Variants in FCRLB observed in about 807,000 individuals in gnomAD.
The protein encoded by FCRLB is Fc receptor like B, also known as Fc receptor-like B.
In FCRLB, 34 loss-of-function variants were observed where a neutral mutation model predicts 33.6. The observed-to-expected ratio is 1.01, with a 90% confidence interval of 0.77 to 1.35. The LOEUF is 1.35. Among genes scored for constraint, FCRLB ranks in the 40% most tolerant of loss-of-function variants. The pLI is 0.00. For synonymous variants in FCRLB, 280 were observed against 255.9 expected, an observed-to-expected ratio of 1.09 and a Z score of -0.90; for missense variants, 560 against 580.2, an observed-to-expected ratio of 0.97 and a Z score of 0.36.
At chr1:161,725,264 C>T (rs937801117) in intron 5 of FCRLB, among the ~76,000 whole-genome samples, 4 of 152,206 alleles carry the variant, frequency 2.6e-5, no homozygotes, top group African/African-American at 9.6e-5. Context: ...AGCCATCCCC[C>T]TTCCTTCCCA....
Position 161,726,153 on chromosome 1 carries a change from C to A in FCRLB, c.574+66C>A. On this transcript the variant is annotated intron_variant, in intron 6 of 7. Transcript: ENST00000367948. The surrounding 1 kb of genome is among the most constrained non-coding windows in gnomAD (Gnocchi z 5.2). The stretch of plus-strand genomic sequence containing the variant: ...ATTGAGAAATTCTGGGACAGGAGCT[C>A]GGCGAGAAAAGAAGGGGCGGAAGTT... The A allele has an allele frequency of 6.2e-7, 1 of 1,609,300 alleles. No homozygotes were observed. Among genetic ancestry groups the A allele is most frequent in the Non-Finnish European group, 8.5e-7 (1 of 1,177,504 alleles).
chr1:161,726,172 G>A lies in FCRLB; in HGVS notation c.574+85G>A. On this transcript the variant is annotated intron_variant, in intron 6 of 7. Transcript: ENST00000367948. This position sits in a 1 kb window ranked among gnomAD's most constrained non-coding sequence, Gnocchi z 5.2. ...GGAGCTCGGCGAGAAAAGAAGGGGC[G>A]GAAGTTCAAATAGCTGCCACTTGGA... 6.2e-7 allele frequency: 1 copy of A among 1,601,300 alleles called. No homozygotes were observed. Among genetic ancestry groups the A allele is most frequent in the Non-Finnish European group, 8.5e-7 (1 of 1,172,638 alleles).
exon 4 of FCRLB, chr1:161,722,990 T>C (rs1270596499): frequency 1.2e-6 from 2 of 1,613,722 alleles, no homozygotes; most frequent in Non-Finnish European, 1.7e-6. Context: ...GTTCTGCAGT[T>C]CCAAGCAGTG....
chr1:161,725,897 C>T, exon 6 of FCRLB: 2 of 1,614,106 alleles, frequency 1.2e-6, no homozygotes, highest in Middle Eastern at 1.7e-4. Flanking sequence ...GCGGCTGGTA[C>T]GACAAGGTGG....
rs578183317 is a variant in FCRLB at position 161,726,958 on chromosome 1, G to C, written c.830G>C (p.Arg277Pro). ...GCGGCTACCGCCACCCGCAGTGTCC[G>C]GAAACGCAGTCCGTGGCTGCAGCTC... The change falls in exon 7 of 8, where the codon CGG (arginine) becomes CCG (proline). Residue 277 changes from arginine to proline, a missense_variant. Transcript: ENST00000367948. The surrounding 1 kb of genome is among the most constrained non-coding windows in gnomAD (Gnocchi z 5.2). 7 of 1,542,354 alleles carry C rather than the reference G, an allele frequency of 4.5e-6. No individual in the cohort carries two copies. In the East Asian group the frequency reaches 9.3e-5, roughly 20 times the overall value.
chr1:161,727,912 C>G (rs553282918), exon 8 of FCRLB: 1 of 485,256 alleles, frequency 2.1e-6, no homozygotes, highest in Admixed American at 3.6e-5. Flanking sequence ...TGTGATTTAA[C>G]TTTGGATGTG....
chr1:161,722,874 A>G (rs1472758820), intron 3 of FCRLB, 115 bp from the exon 4 acceptor site: 9 of 1,516,764 alleles, frequency 5.9e-6, no homozygotes, highest in Non-Finnish European at 8.1e-6. Flanking sequence ...AACCAGGGGC[A>G]GAAGAAGAAA....
intron 7 of FCRLB, 39 bp from the exon 8 acceptor site, chr1:161,727,199 GAGAAGAACC>G (rs781390502): frequency 7.9e-7 from 1 of 1,271,860 alleles, no homozygotes; most frequent in East Asian, 3.8e-5. Flanking sequence ...GCCCAGCGCC[GAGAAGAACC>G]ATGCAAGCCG....
In FCRLB at chr1:161,725,806, T is replaced by A; in HGVS notation, c.308-15T>A. On this transcript the variant is annotated splice_polypyrimidine_tract_variant and intron_variant, in intron 5 of 7. Transcript: ENST00000367948. ...CTTTCTGTGGAGTCAAGCGTGTCTG[T>A]GGTGTCTGTCGCAGATTGGCTGATT... 6.3e-7 allele frequency: 1 copy of A among 1,590,296 alleles called. No homozygotes were observed. The highest frequency in any genetic ancestry group is 8.6e-7 in the Non-Finnish European group (1 of 1,165,048).
At chr1:161,727,421 C>G (rs903250180) in exon 8 of FCRLB, 3 of 1,613,284 alleles carry the variant, frequency 1.9e-6, no homozygotes, top group Non-Finnish European at 2.5e-6. Flanking sequence ...AGCGGCGCCC[C>G]GACTGCGGGG....
At chr1:161,727,896 C>T in exon 8 of FCRLB, 2 of 526,482 alleles carry the variant, frequency 3.8e-6, no homozygotes, top group Non-Finnish European at 6.7e-6. Context: ...CTGTTATTTA[C>T]TACATTGTGA....
chr1:161,727,120 C>T (rs1210044142), intron 7 of FCRLB, 127 bp downstream of exon 7: 6 of 1,220,466 alleles, frequency 4.9e-6, no homozygotes, highest in Non-Finnish European at 6.4e-6. Context: ...ATCTCCCCTT[C>T]GCCGCCCTCC....
At chr1:161,723,053 C>T (rs968439855) in intron 4 of FCRLB, 44 bp downstream of exon 4, 10 of 1,611,450 alleles carry the variant, frequency 6.2e-6, no homozygotes, top group Non-Finnish European at 7.6e-6. Context: ...ACAGCTTCCA[C>T]TCCAACCCCC....
chr1:161,722,152 G>A (rs1683394265), intron 2 of FCRLB, among the ~76,000 whole-genome samples: 1 of 152,178 alleles, frequency 6.6e-6, no homozygotes, highest in South Asian at 2.1e-4. Context: ...TGTGAGCTCT[G>A]GGGGCAGGCA....
intron 7 of FCRLB, 107 bp downstream of exon 7, chr1:161,727,100 C>T: frequency 2.2e-6 from 3 of 1,342,060 alleles, no homozygotes; most frequent in Non-Finnish European, 2.9e-6. Flanking sequence ...TCCCGCCCCC[C>T]GCCTTTCCCA....
chr1:161,723,037 T>C, intron 4 of FCRLB, 28 bp downstream of exon 4: 1 of 1,613,794 alleles, frequency 6.2e-7, no homozygotes, highest in Non-Finnish European at 8.5e-7. Flanking sequence ...CTCATCCCAA[T>C]TTTCTACAGC....
chr1:161,723,062 C>A (rs1683424778), intron 4 of FCRLB, 53 bp downstream of exon 4: 1 of 1,604,710 alleles, frequency 6.2e-7, no homozygotes, highest in Admixed American at 1.7e-5. Context: ...ACTCCAACCC[C>A]CTAAGTGACC....
chr1:161,726,362 ACTGT>A lies in FCRLB; in HGVS notation c.574+276_574+279del. ...GGCAGCTCTGGCAGGGGCAGGGGCC[ACTGT>A]GGGACTGGGACGAAGGAGCGACTCC... On this transcript the variant is annotated intron_variant, in intron 6 of 7. Coordinates refer to ENST00000367948, the Ensembl canonical transcript of FCRLB. The surrounding 1 kb of genome is among the most constrained non-coding windows in gnomAD (Gnocchi z 5.2). The A allele has an allele frequency of 1.4e-6, 1 of 730,066 alleles. No homozygotes were observed. Among genetic ancestry groups the A allele is most frequent in the Non-Finnish European group, 2.4e-6 (1 of 412,854 alleles). 45.2% of individuals were successfully genotyped at this position (730,066 alleles called of 1,614,324 possible).
chr1:161,726,194 T>C lies in FCRLB; in HGVS notation c.574+107T>C, dbSNP rs1296771944. The C allele has an allele frequency of 1.9e-6, 3 of 1,544,294 alleles. No homozygotes were observed. The highest frequency in any genetic ancestry group is 1.4e-5 in the African/African-American group (1 of 73,916). ...GGCGGAAGTTCAAATAGCTGCCACT[T>C]GGAGGGTTTCTCTTAGACTATGGAC... On this transcript the variant is annotated intron_variant, in intron 6 of 7. Coordinates refer to ENST00000367948, the Ensembl canonical transcript of FCRLB. The surrounding 1 kb of genome is among the most constrained non-coding windows in gnomAD (Gnocchi z 5.2).
Sources: allele counts gnomAD v4.1 joint callset (sites outside exome capture counted in the v4.1 genomes callset), GRCh38; gene constraint gnomAD v4.1.1; non-coding constraint Gnocchi (gnomAD v3.1); transcripts MANE v1.5; gene names NCBI Gene and HGNC (gene_info 2026-07-23, HGNC 2026-07-21).